The following ABCF2 variants were observed in gnomAD, a reference collection of about 807,000 sequenced individuals.
ABCF2 encodes the protein ATP binding cassette subfamily F member 2.
In ABCF2, 37 loss-of-function variants were observed where a neutral mutation model predicts 76.9. The ratio of observed to expected loss-of-function variants is 0.48; its 90% CI spans 0.37 to 0.63. The LOEUF is 0.63. Ranked by LOEUF, ABCF2 falls within the 30% of genes least tolerant of loss-of-function variation. ABCF2 has a pLI of 0.00. For synonymous variants in ABCF2, 299 were observed against 283.7 expected (o/e 1.05, Z -0.54); for missense variants, 524 against 782.1 (o/e 0.67, Z 3.94).
intron 3 of ABCF2, 44 bp downstream of exon 3, chr7:151,224,732 G>A: frequency 6.6e-7 from 1 of 1,522,336 alleles, no homozygotes; most frequent in Non-Finnish European, 9.1e-7. Flanking sequence ...AGTGACAGAT[G>A]AGCTAAGGAG....
chr7:151,226,523 C>T (rs1363301104), intron 1 of ABCF2, 23 bp from the exon 2 acceptor site: 2 of 1,539,980 alleles, frequency 1.3e-6, no homozygotes, highest in African/African-American at 2.8e-5. Context: ...AAACAGATAC[C>T]CCCAAACCCT....
Position 151,215,589 on chromosome 7 carries a change from C to A in ABCF2, c.1530+15G>T, listed in dbSNP as rs1450767319. On this transcript the variant is annotated intron_variant, in intron 13 of 14. Coordinates refer to ENST00000287844, the MANE Select transcript of ABCF2 (RefSeq NM_007189.3). This position sits in a 1 kb window ranked among gnomAD's most constrained non-coding sequence, Gnocchi z 4.6. ...CCAGCTATCTGGCATCCTCACCACA[C>A]CCTCCTTTACTGACCTGTTGTTTCC... is the stretch of plus-strand genomic sequence containing the variant. 6.2e-7 allele frequency: 1 copy of A among 1,613,642 alleles called. No homozygotes were observed. Among genetic ancestry groups the A allele is most frequent in the Non-Finnish European group, 8.5e-7 (1 of 1,179,858 alleles).
Sources: gnomAD v4.1 joint callset for allele counts on GRCh38, gnomAD v4.1.1 for gene constraint, Gnocchi (gnomAD v3.1) non-coding constraint, MANE v1.5 for transcripts, NCBI Gene and HGNC (gene_info 2026-07-23, HGNC 2026-07-21) for gene names.